Variants in SH3GL1 observed in about 807,000 individuals in gnomAD.
The protein encoded by SH3GL1 is endophilin-A2.
In SH3GL1, 21 loss-of-function variants were observed where a neutral mutation model predicts 48.8. That is an observed-to-expected ratio of 0.43 (90% CI 0.30 to 0.62). The LOEUF (loss-of-function observed/expected upper bound fraction) is 0.62, where lower values mean the gene tolerates loss of function less well. Among genes scored for constraint, SH3GL1 ranks in the 20% least tolerant of loss-of-function variants. SH3GL1 has a pLI of 0.11. For missense variants in SH3GL1, 454 were observed against 503.0 expected, an observed-to-expected ratio of 0.90 and a Z score of 0.93; for synonymous variants, 282 against 217.5, an observed-to-expected ratio of 1.30 and a Z score of -2.61.
Position 4,363,538 on chromosome 19 carries a change from C to T in SH3GL1, c.625-65G>A, listed in dbSNP as rs376220617. ...ACTGTCCTGTGCCTTCCCTGACTCC[C>T]GAGGTGAAGCCACAGGAGGCAAGGG... is the stretch of plus-strand genomic sequence containing the variant. On this transcript the variant is annotated intron_variant, in intron 6 of 9. Coordinates refer to ENST00000269886, the MANE Select transcript of SH3GL1 (RefSeq NM_003025.4). The T allele has an allele frequency of 8.7e-4, 1,315 of 1,516,836 alleles. 6 individuals carry two copies. In the African/African-American group the frequency reaches 0.01, roughly 12 times the overall value. 94.0% of individuals were successfully genotyped at this position (1,516,836 alleles called of 1,614,324 possible). A position where few individuals can be genotyped will look rare whatever the true frequency, so the allele number is the denominator to read the frequency against.
In SH3GL1 at chr19:4,400,192, A is replaced by T; in HGVS notation, c.45+132T>A. 1 of 981,372 alleles carries T rather than the reference A, an allele frequency of 1.0e-6. No homozygotes were observed. The highest frequency in any genetic ancestry group is 1.4e-6 in the Non-Finnish European group (1 of 691,100). 60.8% of individuals were successfully genotyped at this position (981,372 alleles called of 1,614,324 possible). A position where few individuals can be genotyped will look rare whatever the true frequency, so the allele number is the denominator to read the frequency against. On this transcript the variant is annotated intron_variant, in intron 1 of 9. Transcript: ENST00000269886. This position sits in a 1 kb window ranked among gnomAD's most constrained non-coding sequence, Gnocchi z 4.1. ...CCCCCGTCCGTCCCTTGGTCTTCCC[A>T]CCTGGCAGGGGACACGCGCCAACGT...
At chr19:4,399,451 G>C (rs1479046797) in intron 1 of SH3GL1, among the ~76,000 whole-genome samples, 1 of 151,904 alleles carries the variant, frequency 6.6e-6, no homozygotes, top group Non-Finnish European at 1.5e-5. Context: ...GAGGGAGGGA[G>C]GAAGGAAGGA....
intron 4 of SH3GL1, 50 bp from the exon 5 acceptor site, chr19:4,364,271 G>C (rs758706624): frequency 2.5e-6 from 4 of 1,609,692 alleles, no homozygotes; most frequent in Non-Finnish European, 3.4e-6. Context: ...GGGACCACTA[G>C]ACTGAGACAC....
chr19:4,382,709 G>A (rs1369787177), intron 1 of SH3GL1, among the ~76,000 whole-genome samples: 2 of 152,156 alleles, frequency 1.3e-5, no homozygotes, highest in Non-Finnish European at 1.5e-5. Context: ...GGGTGGAGGT[G>A]AGGGGCAGCC....
Position 4,362,632 on chromosome 19 carries a change from G to A in SH3GL1, c.833C>T (p.Thr278Ile). 1.2e-6 allele frequency: 2 copies of A among 1,613,814 alleles called. No homozygotes were observed. Among genetic ancestry groups the A allele is most frequent in the East Asian group, 2.2e-5 (1 of 44,882 alleles). The change falls in exon 8 of 10, where the codon ACC (threonine) becomes ATC (isoleucine). Residue 278 changes from threonine to isoleucine, a missense_variant. Coordinates refer to ENST00000269886, the MANE Select transcript of SH3GL1 (RefSeq NM_003025.4). ...ATTACCTGCGATCTTGGGGGCTGTG[G>A]TGCAGGGGAAGCCCCCGTTGGACTG... ...PEQSNGGFPCTTAPKIAASSS... is the reference protein window; with the variant it reads ...PEQSNGGFPCITAPKIAASSS...
At chr19:4,397,822 C>A (rs1322140185) in intron 1 of SH3GL1, among the ~76,000 whole-genome samples, 1 of 152,102 alleles carries the variant, frequency 6.6e-6, no homozygotes, top group Non-Finnish European at 1.5e-5. Context: ...TATCTATATC[C>A]CTAAACAACC....
chr19:4,364,221 C>T lies in SH3GL1; in HGVS notation c.332G>A (p.Gly111Asp), dbSNP rs757946404. 6.2e-7 allele frequency: 1 copy of T among 1,613,902 alleles called. No individual in the cohort carries two copies. The highest frequency in any genetic ancestry group is 1.7e-5 in the Admixed American group (1 of 60,022). The change falls in exon 5 of 10, where the codon GGT becomes GAT. Residue 111 changes from glycine to aspartate, a missense_variant and splice_region_variant. Physicochemically the swap from Gly to Asp is moderately conservative, Grantham distance 94. Around this residue, in one of 2 missense-constraint regions of SH3GL1, gnomAD observed 176 missense variants for 256.2 expected, o/e 0.69. Coordinates refer to ENST00000269886, the MANE Select transcript of SH3GL1 (RefSeq NM_003025.4). The part of the protein sequence containing the change: ...GKELGGESNF[G>D]DALLDAGESM... ...CTCGCCGGCATCCAGCAATGCGTCA[C>T]CTGTGGAGAAGTGGTGGGGGAAGCC... is the stretch of plus-strand genomic sequence containing the variant.
At chr19:4,364,898 G>GTGTGTGTGTA (rs1157007038) in intron 4 of SH3GL1, among the ~76,000 whole-genome samples, 4 of 96,014 alleles carry the variant, frequency 4.2e-5, no homozygotes, top group Admixed American at 1.1e-4. Flanking sequence ...GTGTGTGTGT[G>GTGTGTGTGTA]TATATATATA....
chr19:4,375,734 T>A (rs1972995147), intron 1 of SH3GL1, among the ~76,000 whole-genome samples: 1 of 152,202 alleles, frequency 6.6e-6, no homozygotes, highest in Admixed American at 6.5e-5. Context: ...CTGTGTGACA[T>A]ACAACTGGTA....
intron 1 of SH3GL1, among the ~76,000 whole-genome samples, chr19:4,379,992 C>A (rs1763437253): frequency 6.6e-6 from 1 of 152,186 alleles, no homozygotes; most frequent in African/African-American, 2.4e-5. Context: ...AGGCTCCTCC[C>A]AGGGTGGCTT....
chr19:4,374,353 C>T (rs1972963343), intron 1 of SH3GL1, among the ~76,000 whole-genome samples: 1 of 152,220 alleles, frequency 6.6e-6, no homozygotes, highest in South Asian at 2.1e-4. Context: ...AGGGGACATT[C>T]AGGCCTGGTC....
chr19:4,363,304 C>T (rs1972675035), intron 7 of SH3GL1, 66 bp downstream of exon 7: 3 of 1,227,324 alleles, frequency 2.4e-6, no homozygotes, highest in East Asian at 2.5e-5. Context: ...AGGTGTGCTG[C>T]CCACTTGCGC....
In SH3GL1 at chr19:4,389,894, G is replaced by C. The variant is rs899068919; in HGVS notation, c.45+10430C>G. Reference sequence around the variant, plus strand: ...TGTCCACTTGGGGGCCAGGGCAGAGGAGACGCATGTTCCCGGCCCAGGGAG... The same window carrying C: ...TGTCCACTTGGGGGCCAGGGCAGAGCAGACGCATGTTCCCGGCCCAGGGAG... On this transcript the variant is annotated intron_variant, in intron 1 of 9. Coordinates refer to ENST00000269886, the MANE Select transcript of SH3GL1 (RefSeq NM_003025.4). The surrounding 1 kb of genome is among the most constrained non-coding windows in gnomAD (Gnocchi z 4.5). Among the ~76,000 whole-genome samples the C allele has an allele frequency of 1.3e-5, 2 of 152,236 alleles. No homozygotes were observed. The highest frequency in any genetic ancestry group is 4.8e-5 in the African/African-American group (2 of 41,456).
At chr19:4,391,635 C>G (rs1457237126) in intron 1 of SH3GL1, among the ~76,000 whole-genome samples, 1 of 152,204 alleles carries the variant, frequency 6.6e-6, no homozygotes, top group African/African-American at 2.4e-5. Context: ...CAGTGACCAC[C>G]AACAGCCAAC....
In SH3GL1 at chr19:4,400,505, G is replaced by A. The variant is rs1333047313; in HGVS notation, c.-137C>T. ...CGCTTGCCAGCTCCGCGCCCGCCCC[G>A]GCGCCGCCTCAGCCGCTCGCGCGCC... is the stretch of plus-strand genomic sequence containing the variant. On this transcript the variant is annotated 5_prime_UTR_variant, in exon 1 of 10. Coordinates refer to ENST00000269886, the MANE Select transcript of SH3GL1 (RefSeq NM_003025.4). The surrounding 1 kb of genome is among the most constrained non-coding windows in gnomAD (Gnocchi z 4.1). 1.2e-5 allele frequency: 8 copies of A among 677,686 alleles called. No homozygotes were observed. Among genetic ancestry groups the A allele is most frequent in the Non-Finnish European group, 1.5e-5 (8 of 537,342 alleles). The allele number at this position is 677,686 out of a possible 1,614,324, so 42.0% of individuals were successfully genotyped here. A position where few individuals can be genotyped will look rare whatever the true frequency, so the allele number is the denominator to read the frequency against.
At chr19:4,368,020 C>T (rs1221010979) in intron 1 of SH3GL1, among the ~76,000 whole-genome samples, 2 of 152,368 alleles carry the variant, frequency 1.3e-5, no homozygotes, top group Middle Eastern at 3.4e-3. Context: ...GCCCTGCCCT[C>T]TGGGGGCCAA....
intron 1 of SH3GL1, among the ~76,000 whole-genome samples, chr19:4,385,661 C>T (rs1297338953): frequency 6.6e-6 from 1 of 152,194 alleles, no homozygotes; most frequent in Non-Finnish European, 1.5e-5. Flanking sequence ...CAGAGGGGCC[C>T]ACTGGTGCCT....
At chr19:4,366,240 C>T (rs1018017553) in intron 3 of SH3GL1, among the ~76,000 whole-genome samples, 9 of 152,176 alleles carry the variant, frequency 5.9e-5, no homozygotes, top group African/African-American at 2.2e-4. Context: ...CCTGCCAGGA[C>T]TGCTGGCTGG....
intron 1 of SH3GL1, among the ~76,000 whole-genome samples, chr19:4,373,750 G>A (rs60654581): frequency 6.6e-6 from 1 of 152,142 alleles, no homozygotes; most frequent in African/African-American, 2.4e-5. Context: ...CCTCAGACCA[G>A]GCCACAGAGG....
Sources: gnomAD v4.1 joint callset for allele counts (sites outside exome capture counted in the v4.1 genomes callset) on GRCh38, gnomAD v4.1.1 for gene constraint, gnomAD v4.1.1 regional missense constraint, Gnocchi (gnomAD v3.1) non-coding constraint, MANE v1.5 for transcripts, NCBI Gene and HGNC (gene_info 2026-07-23, HGNC 2026-07-21) for gene names.